KSR1: variants seen among roughly 807,000 people sequenced by gnomAD.
KSR1 encodes the protein kinase suppressor of ras.
KSR1 carries 35 observed loss-of-function variants against 92.9 expected under a neutral mutation model. The observed-to-expected ratio is 0.38, with a 90% CI of 0.29 to 0.50. The LOEUF is 0.50. Ranked by LOEUF, KSR1 falls within the 20% of genes least tolerant of loss-of-function variation. The pLI is 0.94. For missense variants in KSR1, 972 were observed against 1,158.5 expected (o/e 0.84, Z 2.34); for synonymous variants, 467 against 472.6 (o/e 0.99, Z 0.15).
chr17:27,558,090 G>C (rs900943144), intron 2 of KSR1: 1 of 152,496 alleles, frequency 6.6e-6, no homozygotes. Context: ...TGAGAGATGG[G>C]AGTTTTAAAT....
intron 11 of KSR1, chr17:27,602,000 T>C: frequency 7.1e-7 from 1 of 1,407,988 alleles, no homozygotes. Flanking sequence ...AGTTGTTTTC[T>C]ACACTTACTA....
At chr17:27,548,269 A>G (rs1188370450) in intron 1 of KSR1, among the ~76,000 whole-genome samples, 1 of 151,900 alleles carries the variant, frequency 6.6e-6, no homozygotes. Context: ...AAAGAAATAA[A>G]TGAAAGTATT....
At chr17:27,526,694 G>A in intron 1 of KSR1, 1 of 1,519,440 alleles carries the variant, frequency 6.6e-7, no homozygotes, top group Non-Finnish European at 9.1e-7. Context: ...TATTCTGACA[G>A]CTGAACACGA....
chr17:27,577,490 A>C lies in KSR1; in HGVS notation c.373-2A>C. On this transcript the variant is annotated splice_acceptor_variant, in intron 2 of 20. Coordinates refer to ENST00000644974, the MANE Select transcript of KSR1 (RefSeq NM_001394583.1). LOFTEE classifies it high-confidence loss of function. This position sits in a 1 kb window ranked among gnomAD's most constrained non-coding sequence, Gnocchi z 4.5. ...TCTCTGCCTGTCCCTCTGTCCCCTT[A>C]GGAGATCCCCCGAGACCTCACGCTG... 44 of 1,506,784 alleles carry C rather than the reference A, an allele frequency of 2.9e-5. No individual in the cohort carries two copies. The highest frequency in any genetic ancestry group is 2.3e-4 in the Middle Eastern group (1 of 4,426). 93.3% of individuals were successfully genotyped at this position (1,506,784 alleles called of 1,614,324 possible).
intron 18 of KSR1, among the ~76,000 whole-genome samples, chr17:27,613,444 C>T (rs1239231283): frequency 6.6e-6 from 1 of 152,224 alleles, no homozygotes; most frequent in African/African-American, 2.4e-5. Context: ...TCCCAACAGG[C>T]TCCCATCTCA....
In KSR1 at chr17:27,499,669, G is replaced by T. The variant is rs550815101; in HGVS notation, c.231+42795G>T. Among the ~76,000 whole-genome samples, 252 of 152,296 alleles carry T rather than the reference G, an allele frequency of 1.7e-3. 2 individuals carry two copies. The highest frequency in any genetic ancestry group is 5.8e-3 in the African/African-American group (243 of 41,568). On this transcript the variant is annotated intron_variant, in intron 1 of 20. Transcript: ENST00000644974. ...CAGCCGGCCCTTGGCAGAGCTATTG[G>T]CAAGGCACTCATGATGTCATCTTCA...
chr17:27,583,000 C>A lies in KSR1; in HGVS notation c.875C>A (p.Pro292His). The change falls in exon 4 of 21, where the codon CCC becomes CAC. Residue 292 changes from proline to histidine, a missense_variant. This residue lies in a region of KSR1 where 611 missense variants were observed against 668.0 expected (regional missense o/e 0.91). Coordinates refer to ENST00000644974, the MANE Select transcript of KSR1 (RefSeq NM_001394583.1). Reference sequence around the variant, plus strand: ...AAGCCACCACGGACGCCCCCCCCACCCAGCCGCAAGGTCTTCCAGCTGCTG... The same window carrying A: ...AAGCCACCACGGACGCCCCCCCCACACAGCCGCAAGGTCTTCCAGCTGCTG... ...KLKPPRTPPP[P>H]SRKVFQLLPS... is the part of the protein sequence containing the mutation. 1.2e-6 allele frequency: 2 copies of A among 1,610,012 alleles called. No individual in the cohort carries two copies. Among genetic ancestry groups the A allele is most frequent in the Non-Finnish European group, 1.7e-6 (2 of 1,178,528 alleles).
chr17:27,585,822 G>C, intron 5 of KSR1, 161 bp downstream of exon 5: 1 of 677,630 alleles, frequency 1.5e-6, no homozygotes, highest in Admixed American at 2.1e-5. Flanking sequence ...ATAGCCCTAA[G>C]ACAGGTGGCC....
chr17:27,463,650 A>G (rs1156599323), intron 1 of KSR1, among the ~76,000 whole-genome samples: 6 of 152,082 alleles, frequency 3.9e-5, no homozygotes, highest in Admixed American at 3.3e-4. Flanking sequence ...GGGCTGACCA[A>G]TTAGAAGAAG....
intron 1 of KSR1, among the ~76,000 whole-genome samples, chr17:27,467,794 A>G (rs1448109428): frequency 6.7e-6 from 1 of 150,064 alleles, no homozygotes; most frequent in Non-Finnish European, 1.5e-5. Context: ...TGAAATGCCT[A>G]GGTCTGAGTT....
chr17:27,581,595 ACCT>A (rs1251561267), intron 3 of KSR1, among the ~76,000 whole-genome samples: 1 of 151,126 alleles, frequency 6.6e-6, no homozygotes. Flanking sequence ...CCCAGGTGCC[ACCT>A]CCTCTGGGAA....
At chr17:27,526,747 G>T in intron 1 of KSR1, 1 of 1,237,466 alleles carries the variant, frequency 8.1e-7, no homozygotes, top group East Asian at 2.3e-5. Context: ...GAAAACGTAT[G>T]AACTCTTTCT....
chr17:27,477,725 T>G (rs2068388557), intron 1 of KSR1, among the ~76,000 whole-genome samples: 1 of 151,906 alleles, frequency 6.6e-6, no homozygotes, highest in Non-Finnish European at 1.5e-5. Context: ...TCTTTTTTTT[T>G]TTTTTGAGAC....
intron 2 of KSR1, among the ~76,000 whole-genome samples, chr17:27,551,757 A>T (rs2071403969): frequency 6.6e-6 from 1 of 152,184 alleles, no homozygotes; most frequent in South Asian, 2.1e-4. Flanking sequence ...GGCACACTGC[A>T]GACCCGCCTG....
At chr17:27,494,373 T>TGGGA (rs1354327722) in intron 1 of KSR1, among the ~76,000 whole-genome samples, 1 of 151,628 alleles carries the variant, frequency 6.6e-6, no homozygotes, top group Non-Finnish European at 1.5e-5. Context: ...TTCAGGCCTG[T>TGGGA]GGGAAGGAAG....
At chr17:27,547,598 C>G (rs986588538) in intron 1 of KSR1, among the ~76,000 whole-genome samples, 2 of 152,166 alleles carry the variant, frequency 1.3e-5, no homozygotes, top group Non-Finnish European at 2.9e-5. Context: ...TTTTATGACT[C>G]TATCACAGGT....
intron 1 of KSR1, chr17:27,527,164 G>C: frequency 3.8e-6 from 1 of 260,920 alleles, no homozygotes; most frequent in Non-Finnish European, 7.9e-6. Flanking sequence ...AAATCAGCAG[G>C]GTACTCTTTT....
At chr17:27,485,557 A>G (rs1324501228) in intron 1 of KSR1, among the ~76,000 whole-genome samples, 1 of 152,224 alleles carries the variant, frequency 6.6e-6, no homozygotes, top group Admixed American at 6.5e-5. Flanking sequence ...AGTGGAGGGA[A>G]AGTGAAGGAA....
intron 1 of KSR1, among the ~76,000 whole-genome samples, chr17:27,468,497 G>C (rs1239226005): frequency 6.6e-6 from 1 of 152,174 alleles, no homozygotes; most frequent in African/African-American, 2.4e-5. Context: ...CCAAAGTGCT[G>C]GGATTACAGG....
Sources: allele counts gnomAD v4.1 joint callset (sites outside exome capture counted in the v4.1 genomes callset), GRCh38; gene constraint gnomAD v4.1.1; regional missense constraint gnomAD v4.1.1; non-coding constraint Gnocchi (gnomAD v3.1); transcripts MANE v1.5; gene names NCBI Gene and HGNC (gene_info 2026-07-23, HGNC 2026-07-21).